Variants in RCAN2 observed in about 807,000 individuals in gnomAD.
The protein encoded by RCAN2 is regulator of calcineurin 2, also known as calcipressin-2.
RCAN2 carries 9 observed loss-of-function variants against 23.6 expected under a neutral mutation model. The observed-to-expected ratio is 0.38, with a 90% CI of 0.23 to 0.67. The LOEUF is 0.67. RCAN2 is among the 30% of genes least tolerant of loss of function. The pLI is 0.51. For synonymous variants in RCAN2, 109 were observed against 115.7 expected, an observed-to-expected ratio of 0.94 and a Z score of 0.37; for missense variants, 273 against 302.3, an observed-to-expected ratio of 0.90 and a Z score of 0.72.
At chr6:46,465,189 A>C (rs951521145) in intron 1 of RCAN2, among the ~76,000 whole-genome samples, 5 of 152,228 alleles carry the variant, frequency 3.3e-5, no homozygotes, top group African/African-American at 1.2e-4. Flanking sequence ...CAGAGGAAAC[A>C]CCATCTTTTA....
intron 2 of RCAN2, among the ~76,000 whole-genome samples, chr6:46,387,068 G>A (rs1765777372): frequency 6.6e-6 from 1 of 152,140 alleles, no homozygotes; most frequent in Non-Finnish European, 1.5e-5. Context: ...GTTGAAACTG[G>A]ATCCCTTCCT....
chr6:46,362,155 G>A (rs1344693733), intron 2 of RCAN2, among the ~76,000 whole-genome samples: 2 of 152,160 alleles, frequency 1.3e-5, no homozygotes, highest in African/African-American at 4.8e-5. Flanking sequence ...ACTTAGGGTA[G>A]TCACGATATA....
chr6:46,274,924 G>T (rs917947969), intron 2 of RCAN2, among the ~76,000 whole-genome samples: 4 of 152,166 alleles, frequency 2.6e-5, no homozygotes, highest in African/African-American at 9.7e-5. Flanking sequence ...CTTAACAGGG[G>T]AGCAAATGGA....
intron 2 of RCAN2, among the ~76,000 whole-genome samples, chr6:46,445,406 C>T (rs539488953): frequency 6.6e-6 from 1 of 152,332 alleles, no homozygotes; most frequent in East Asian, 1.9e-4. Flanking sequence ...GCCAGACCAG[C>T]TGCTGAGAAT....
intron 1 of RCAN2, among the ~76,000 whole-genome samples, chr6:46,467,822 C>T (rs949926758): frequency 2.6e-5 from 4 of 152,308 alleles, no homozygotes; most frequent in East Asian, 1.9e-4. Flanking sequence ...TTCGGCTCTT[C>T]GGAAGAGACT....
chr6:46,297,697 A>G (rs1762767414), intron 2 of RCAN2, among the ~76,000 whole-genome samples: 1 of 152,160 alleles, frequency 6.6e-6, no homozygotes, highest in Non-Finnish European at 1.5e-5. Flanking sequence ...AAATAGGAGT[A>G]ACACTCTGCA....
At chr6:46,355,382 A>G (rs1409428872) in intron 2 of RCAN2, among the ~76,000 whole-genome samples, 9 of 152,166 alleles carry the variant, frequency 5.9e-5, no homozygotes, top group Non-Finnish European at 1.5e-5. Context: ...AGCCACTCTG[A>G]ACAGGAGGCT....
intron 2 of RCAN2, among the ~76,000 whole-genome samples, chr6:46,399,349 AT>A (rs1229685658): frequency 6.6e-6 from 1 of 151,564 alleles, no homozygotes; most frequent in East Asian, 2.0e-4. Flanking sequence ...AATACACTTA[AT>A]TTTTTGTGAG....
intron 2 of RCAN2, among the ~76,000 whole-genome samples, chr6:46,451,243 A>C (rs540466733): frequency 6.6e-6 from 1 of 152,054 alleles, no homozygotes; most frequent in Non-Finnish European, 1.5e-5. Context: ...ACTCTTGAGG[A>C]GTGATATGTT....
At chr6:46,421,255 C>A (rs1486001494) in intron 2 of RCAN2, among the ~76,000 whole-genome samples, 4 of 152,136 alleles carry the variant, frequency 2.6e-5, no homozygotes, top group Non-Finnish European at 5.9e-5. Context: ...GCAGATTAAT[C>A]AGCTGGAGTC....
chr6:46,369,553 A>G (rs60255327), intron 2 of RCAN2, among the ~76,000 whole-genome samples: 4,873 of 152,198 alleles, frequency 0.032, 248 homozygotes, highest in African/African-American at 0.11. Flanking sequence ...TTTCTGTTCC[A>G]TTATAATCTT....
At chr6:46,404,871 T>C (rs1285603930) in intron 2 of RCAN2, among the ~76,000 whole-genome samples, 1 of 152,234 alleles carries the variant, frequency 6.6e-6, no homozygotes, top group Non-Finnish European at 1.5e-5. Context: ...CACAGGTTTT[T>C]ATTTCTTCTT....
intron 2 of RCAN2, among the ~76,000 whole-genome samples, chr6:46,409,430 T>C (rs564165166): frequency 2.2e-4 from 34 of 152,360 alleles, no homozygotes; most frequent in Non-Finnish European, 3.4e-4. Context: ...ATGTTTTCAA[T>C]TGACTTTTGT....
chr6:46,376,618 T>C (rs897898895), intron 2 of RCAN2, among the ~76,000 whole-genome samples: 4 of 151,860 alleles, frequency 2.6e-5, no homozygotes, highest in Non-Finnish European at 5.9e-5. Flanking sequence ...AGGTGGAGGT[T>C]GCAGTGAGCC....
At chr6:46,290,776 AT>A (rs1762533022) in intron 2 of RCAN2, among the ~76,000 whole-genome samples, 1 of 152,236 alleles carries the variant, frequency 6.6e-6, no homozygotes, top group African/African-American at 2.4e-5. Flanking sequence ...GCCTGAAAGA[AT>A]TATATTTCCT....
intron 2 of RCAN2, among the ~76,000 whole-genome samples, chr6:46,296,015 G>A (rs770370396): frequency 1.3e-5 from 2 of 151,346 alleles, no homozygotes; most frequent in African/African-American, 2.4e-5. Context: ...TTTATGCAGT[G>A]GTTAAGAATG....
chr6:46,337,725 G>T (rs1764188141), intron 2 of RCAN2, among the ~76,000 whole-genome samples: 1 of 152,178 alleles, frequency 6.6e-6, no homozygotes, highest in Non-Finnish European at 1.5e-5. Context: ...GCTCAGTGAA[G>T]TTATCGCAAG....
chr6:46,447,818 T>G (rs767544571), intron 2 of RCAN2, among the ~76,000 whole-genome samples: 2 of 151,556 alleles, frequency 1.3e-5, no homozygotes, highest in Non-Finnish European at 3.0e-5. Flanking sequence ...TACTAAAATC[T>G]AGTAGCATAC....
intron 2 of RCAN2, among the ~76,000 whole-genome samples, chr6:46,262,120 A>G (rs1767128607): frequency 6.6e-6 from 1 of 152,128 alleles, no homozygotes; most frequent in Non-Finnish European, 1.5e-5. Context: ...GAGATTTCCA[A>G]TAGGTGTCTT....
Sources: allele counts gnomAD v4.1 joint callset (sites outside exome capture counted in the v4.1 genomes callset), GRCh38; gene constraint gnomAD v4.1.1; transcripts MANE v1.5; gene names NCBI Gene and HGNC (gene_info 2026-07-23, HGNC 2026-07-21).